SLCO3A1: variants seen among roughly 807,000 people sequenced by gnomAD.
SLCO3A1 encodes the protein solute carrier organic anion transporter family member 3A1.
In SLCO3A1, 27 loss-of-function variants were observed where a neutral mutation model predicts 63.1. That is an observed-to-expected ratio of 0.43 (90% confidence interval 0.32 to 0.59). The LOEUF (loss-of-function observed/expected upper bound fraction) is 0.59. SLCO3A1 is among the 20% of genes least tolerant of loss of function. The pLI, the probability that SLCO3A1 is intolerant of heterozygous loss-of-function variation, is 0.09. For missense variants in SLCO3A1, 773 were observed against 945.8 expected, an observed-to-expected ratio of 0.82 and a Z score of 2.40; for synonymous variants, 473 against 409.9, an observed-to-expected ratio of 1.15 and a Z score of -1.86.
chr15:92,145,861 G>T (rs941757336), intron 7 of SLCO3A1, among the ~76,000 whole-genome samples: 4 of 152,126 alleles, frequency 2.6e-5, no homozygotes, highest in Non-Finnish European at 5.9e-5. Context: ...GCCCCTGTTG[G>T]GGGCACAGCG....
chr15:91,906,664 A>C (rs900675126), intron 1 of SLCO3A1, among the ~76,000 whole-genome samples: 3 of 152,252 alleles, frequency 2.0e-5, no homozygotes, highest in African/African-American at 7.2e-5. Flanking sequence ...CATTGAAATC[A>C]TTATTCTTAA....
intron 2 of SLCO3A1, among the ~76,000 whole-genome samples, chr15:91,922,911 G>A (rs556993574): frequency 6.6e-6 from 1 of 152,252 alleles, no homozygotes; most frequent in Admixed American, 6.5e-5. Flanking sequence ...CTCTTACCTG[G>A]TGCTTCCATA....
At position 91,871,415 on chromosome 15, in the gene SLCO3A1, G is replaced by A. The variant is rs139758392; in HGVS notation, c.180+17327G>A. On this transcript the variant is annotated intron_variant, in intron 1 of 9. Coordinates refer to ENST00000318445, the MANE Select transcript of SLCO3A1 (RefSeq NM_013272.4). The stretch of plus-strand genomic sequence containing the variant: ...CCCTCTGGCAGTATTCTGTGGCCTC[G>A]GGTCAGCCTTGGGTTTCACGTTGGA... Among the ~76,000 whole-genome samples the A allele has an allele frequency of 3.3e-3, 495 of 152,236 alleles. 3 individuals carry two copies. The highest frequency in any genetic ancestry group is 0.012 in the African/African-American group (487 of 41,526).
At chr15:92,029,956 C>G (rs2046626473) in intron 2 of SLCO3A1, among the ~76,000 whole-genome samples, 1 of 152,118 alleles carries the variant, frequency 6.6e-6, no homozygotes, top group South Asian at 2.1e-4. Context: ...CTAAGAATTG[C>G]AGCCTGCCGG....
chr15:92,120,313 A>G, intron 4 of SLCO3A1, 152 bp from the exon 5 acceptor site: 1 of 693,046 alleles, frequency 1.4e-6, no homozygotes, highest in Non-Finnish European at 2.5e-6. Context: ...TATGGGGTGT[A>G]GATTTTGGCC....
intron 1 of SLCO3A1, among the ~76,000 whole-genome samples, chr15:91,861,094 T>C (rs1043089583): frequency 6.6e-6 from 1 of 152,176 alleles, no homozygotes; most frequent in Non-Finnish European, 1.5e-5. Context: ...TGGCAGTGTA[T>C]GTTTTAGGTG....
rs555371938 is a variant in SLCO3A1 at position 92,034,210 on chromosome 15, A to G, written c.647-60671A>G. Among the ~76,000 whole-genome samples the G allele has an allele frequency of 1.8e-3, 277 of 151,714 alleles. 5 individuals carry two copies. The highest frequency in any genetic ancestry group is 3.2e-3 in the Non-Finnish European group (218 of 67,708). Reference sequence around the variant, plus strand: ...AGACTTGGGGCCGGGGATAGCACAGATGCCTCCTAAAGGAAGCACTGACAG... The same window carrying G: ...AGACTTGGGGCCGGGGATAGCACAGGTGCCTCCTAAAGGAAGCACTGACAG... On this transcript the variant is annotated intron_variant, in intron 2 of 9. Coordinates refer to ENST00000318445, the MANE Select transcript of SLCO3A1 (RefSeq NM_013272.4).
intron 1 of SLCO3A1, among the ~76,000 whole-genome samples, chr15:91,876,696 G>T (rs972846658): frequency 6.6e-6 from 1 of 152,198 alleles, no homozygotes; most frequent in African/African-American, 2.4e-5. Flanking sequence ...CCTCTCAACT[G>T]GAACTGTTCT....
chr15:92,032,083 A>C (rs1693107088), intron 2 of SLCO3A1, among the ~76,000 whole-genome samples: 1 of 152,076 alleles, frequency 6.6e-6, no homozygotes, highest in African/African-American at 2.4e-5. Context: ...TATTCAGTCT[A>C]CCCTCATTCT....
intron 2 of SLCO3A1, among the ~76,000 whole-genome samples, chr15:91,935,530 C>T (rs149948592): frequency 1.3e-3 from 194 of 152,270 alleles, no homozygotes; most frequent in Non-Finnish European, 2.4e-3. Context: ...CTATTAGCTA[C>T]TAGGATGGGA....
rs758033417 is a variant in SLCO3A1 at position 91,853,972 on chromosome 15, G to C, written c.64G>C (p.Glu22Gln). The C allele has an allele frequency of 1.3e-6, 2 of 1,507,058 alleles. No individual in the cohort carries two copies. The highest frequency in any genetic ancestry group is 1.4e-5 in the African/African-American group (1 of 69,298). The allele number at this position is 1,507,058 out of a possible 1,614,324, so 93.4% of individuals were successfully genotyped here. A position where few individuals can be genotyped will look rare whatever the true frequency, so the allele number is the denominator to read the frequency against. Residue 22 changes from glutamate to glutamine, a missense_variant, in exon 1 of 10, where the codon GAG becomes CAG. Coordinates refer to ENST00000318445, the MANE Select transcript of SLCO3A1 (RefSeq NM_013272.4). ...GGRSGELQGD[E>Q]AQRNKKKKKK... ...CCGGAGCGGCGAGCTGCAGGGGGACGAGGCGCAGAGGAACAAGAAAAAGAA... is the reference window on the plus strand; with the variant it reads ...CCGGAGCGGCGAGCTGCAGGGGGACCAGGCGCAGAGGAACAAGAAAAAGAA...
intron 2 of SLCO3A1, among the ~76,000 whole-genome samples, chr15:92,007,982 G>A (rs990056875): frequency 3.3e-5 from 5 of 152,072 alleles, no homozygotes; most frequent in African/African-American, 7.2e-5. Context: ...TGGTGATTTC[G>A]AACCTACAGG....
intron 7 of SLCO3A1, among the ~76,000 whole-genome samples, chr15:92,139,892 G>A (rs1435907661): frequency 1.1e-3 from 156 of 145,618 alleles, no homozygotes; most frequent in East Asian, 3.0e-3. Context: ...TCTTGCTAGC[G>A]GTCTATCAAT....
chr15:91,871,764 G>T (rs57885930), intron 1 of SLCO3A1, among the ~76,000 whole-genome samples: 1,623 of 35,236 alleles, frequency 0.046, 38 homozygotes, highest in African/African-American at 0.18. Flanking sequence ...GTTTTTTTTT[G>T]GTTTTTTTTT....
In SLCO3A1 at chr15:92,157,701, G is replaced by A. The variant is rs115003396; in HGVS notation, c.1754-5055G>A. ...GGTTTTCTACAACTCTTTCTCTAGAGGTGGTGAACTTAGGACGGATTTTCA... is the reference window on the plus strand; with the variant it reads ...GGTTTTCTACAACTCTTTCTCTAGAAGTGGTGAACTTAGGACGGATTTTCA... On this transcript the variant is annotated intron_variant, in intron 9 of 9. Coordinates refer to ENST00000318445, the MANE Select transcript of SLCO3A1 (RefSeq NM_013272.4). Among the ~76,000 whole-genome samples the A allele has an allele frequency of 4.8e-3, 732 of 152,202 alleles. 2 individuals are homozygous for A. The highest frequency in any genetic ancestry group is 0.016 in the African/African-American group (665 of 41,520).
rs1898022576 is a variant in SLCO3A1, at chr15:91,897,032, CT to C, written c.181-18958del. ...AGGAACGATATGTCACTTTTGTGAT[CT>C]TTAGTTGCCTCTAGAAAATGGAGAT... is the stretch of plus-strand genomic sequence containing the variant. On this transcript the variant is annotated intron_variant, in intron 1 of 9. Coordinates refer to ENST00000318445, the MANE Select transcript of SLCO3A1 (RefSeq NM_013272.4). The surrounding 1 kb of genome is among the most constrained non-coding windows in gnomAD (Gnocchi z 4.7). 6.6e-6 allele frequency among the ~76,000 whole-genome samples: 1 copy of C among 152,266 alleles called. No homozygotes were observed. The highest frequency in any genetic ancestry group is 1.9e-4 in the East Asian group (1 of 5,182).
Position 91,854,254 on chromosome 15 carries a change from C to T in SLCO3A1, c.180+166C>T. ...CAGAGGCGGCCGCCGGGGGAGCTGC[C>T]GGCCGGGGCTGCCAGCGAGCGGGTA... On this transcript the variant is annotated intron_variant, in intron 1 of 9. Coordinates refer to ENST00000318445, the MANE Select transcript of SLCO3A1 (RefSeq NM_013272.4). The surrounding 1 kb of genome is among the most constrained non-coding windows in gnomAD (Gnocchi z 6.4). The T allele has an allele frequency of 1.8e-6, 2 of 1,115,762 alleles. No individual in the cohort carries two copies. The highest frequency in any genetic ancestry group is 1.6e-5 in the African/African-American group (1 of 60,982). 69.1% of individuals were successfully genotyped at this position (1,115,762 alleles called of 1,614,324 possible).
intron 2 of SLCO3A1, among the ~76,000 whole-genome samples, chr15:92,064,402 T>C (rs933971579): frequency 3.3e-5 from 5 of 150,580 alleles, no homozygotes; most frequent in African/African-American, 1.2e-4. Flanking sequence ...GTCTCTTCAC[T>C]TTGTTAGTTG....
In SLCO3A1 at chr15:92,021,002, A is replaced by G. The variant is rs573288455; in HGVS notation, c.647-73879A>G. Among the ~76,000 whole-genome samples, 6 of 152,312 alleles carry G rather than the reference A, an allele frequency of 3.9e-5. No individual in the cohort carries two copies. The East Asian group carries it at 1.2e-3, about 29-fold the overall frequency. On this transcript the variant is annotated intron_variant, in intron 2 of 9. Coordinates refer to ENST00000318445, the MANE Select transcript of SLCO3A1 (RefSeq NM_013272.4). ...CTCTCCAAACCACAGTTCTTGCCTA[A>G]TGAGGAGATGCTGATAATAATACCT...
Sources: allele counts gnomAD v4.1 joint callset (sites outside exome capture counted in the v4.1 genomes callset), GRCh38; gene constraint gnomAD v4.1.1; non-coding constraint Gnocchi (gnomAD v3.1); transcripts MANE v1.5; gene names NCBI Gene and HGNC (gene_info 2026-07-23, HGNC 2026-07-21).